BHMT: variants seen among roughly 807,000 people sequenced by gnomAD.
BHMT encodes the protein betaine--homocysteine S-methyltransferase.
In BHMT, 38 loss-of-function variants were observed where a neutral mutation model predicts 49.5. That is an observed-to-expected ratio of 0.77 (90% CI 0.59 to 1.01). BHMT has a LOEUF of 1.01. BHMT is among the 50% of genes least tolerant of loss of function. The pLI is 0.00. For synonymous variants in BHMT, 166 were observed against 176.3 expected (o/e 0.94, Z 0.46); for missense variants, 426 against 495.7 (o/e 0.86, Z 1.34).
rs1756383601 is a variant in BHMT, at chr5:79,116,111, G to A, written c.166+212G>A. 5 of 421,050 alleles carry A rather than the reference G, an allele frequency of 1.2e-5. No homozygotes were observed. In the East Asian group the frequency reaches 2.0e-4, roughly 17 times the overall value. The allele number at this position is 421,050 out of a possible 1,614,324, so 26.1% of individuals were successfully genotyped here. A position where few individuals can be genotyped will look rare whatever the true frequency, so the allele number is the denominator to read the frequency against. ...TGCACTCCTGTAGTCCCAGCTACTTGGGAGGCTGAGGCAGGAGGATCGCTT... is the reference window on the plus strand; with the variant it reads ...TGCACTCCTGTAGTCCCAGCTACTTAGGAGGCTGAGGCAGGAGGATCGCTT... On this transcript the variant is annotated intron_variant, in intron 2 of 7. Coordinates refer to ENST00000274353, the MANE Select transcript of BHMT (RefSeq NM_001713.3).
In BHMT at chr5:79,120,351, G is replaced by T; in HGVS notation, c.287G>T (p.Gly96Val). ...GTCTCATATACTCACCCATTTTAGG[G>T]GCAGGAAGTCAATGAAGCTGCTTGC... ...RGNYVLEKIS[G>V]QEVNEAACDI... Residue 96 changes from glycine (G) to valine (V), a missense_variant and splice_region_variant, in exon 4 of 8, where the codon GGG becomes GTG. Coordinates refer to ENST00000274353, the MANE Select transcript of BHMT (RefSeq NM_001713.3). 6.2e-7 allele frequency: 1 copy of T among 1,605,700 alleles called. No individual in the cohort carries two copies. The highest frequency in any genetic ancestry group is 8.5e-7 in the Non-Finnish European group (1 of 1,177,282).
In BHMT at chr5:79,127,628, T is replaced by C. The variant is rs1756572158; in HGVS notation, c.809-127T>C. On this transcript the variant is annotated intron_variant, in intron 6 of 7. Transcript: ENST00000274353. ...TACAACACAAAGTAGCAAAGTTTTT[T>C]CTTAAATGTAAAAATTGAATATTGA... is the stretch of plus-strand genomic sequence containing the variant. 5.3e-6 allele frequency: 7 copies of C among 1,310,254 alleles called. No homozygotes were observed. The South Asian group carries it at 7.9e-5, about 15-fold the overall frequency. 81.2% of individuals were successfully genotyped at this position (1,310,254 alleles called of 1,614,324 possible).
intron 7 of BHMT, among the ~76,000 whole-genome samples, chr5:79,129,924 T>C (rs2909853): frequency 0.67 from 101,388 of 151,986 alleles, 34,378 homozygotes; most frequent in South Asian, 0.82. Flanking sequence ...TTTGGGAAGC[T>C]GAGGCAGGCG....
At chr5:79,121,476 A>C in intron 5 of BHMT, 111 bp downstream of exon 5, 1 of 1,355,410 alleles carries the variant, frequency 7.4e-7, no homozygotes. Context: ...AAAACCATTA[A>C]TTTATTTTTG....
In BHMT at chr5:79,126,403, G is replaced by A. The variant is rs1229067050; in HGVS notation, c.808+175G>A. 6 of 654,974 alleles carry A rather than the reference G, an allele frequency of 9.2e-6. No homozygotes were observed. The East Asian group carries it at 1.8e-4, about 19-fold the overall frequency. The allele number at this position is 654,974 out of a possible 1,614,324, so 40.6% of individuals were successfully genotyped here. A position where few individuals can be genotyped will look rare whatever the true frequency, so the allele number is the denominator to read the frequency against. On this transcript the variant is annotated intron_variant, in intron 6 of 7. Transcript: ENST00000274353. The stretch of plus-strand genomic sequence containing the variant: ...AAAAGCCCCTTCGTATTAGAGAAGA[G>A]CAGAAGGAAAGGATGGTCCCAGCTA...
intron 7 of BHMT, chr5:79,128,200 G>T: frequency 1.5e-6 from 1 of 676,808 alleles, no homozygotes; most frequent in South Asian, 2.7e-5. Flanking sequence ...ATTTTGAAAA[G>T]AAAAAGAAAA....
rs926183918 is a variant in BHMT at position 79,132,240 on chromosome 5, T to G, written c.*1124T>G. Reference sequence around the variant, plus strand: ...ACATTATTGAATTGTTTGAGCTGTTTTGAAATTGTAATTCTTTTCAGCTAT... The same window carrying G: ...ACATTATTGAATTGTTTGAGCTGTTGTGAAATTGTAATTCTTTTCAGCTAT... On this transcript the variant is annotated 3_prime_UTR_variant, in exon 8 of 8. Transcript: ENST00000274353. The G allele has an allele frequency of 2.0e-5, 3 of 152,208 alleles. No individual in the cohort carries two copies. Among genetic ancestry groups the G allele is most frequent in the Non-Finnish European group, 2.9e-5 (2 of 68,028 alleles). The allele number at this position is 152,208 out of a possible 1,614,324, so 9.4% of individuals were successfully genotyped here.
Position 79,126,219 on chromosome 5 carries a change from T to C in BHMT, c.799T>C (p.Phe267Leu), listed in dbSNP as rs1172352959. Residue 267 changes from phenylalanine to leucine, a missense_variant, in exon 6 of 8, where the codon TTC becomes CTC. Coordinates refer to ENST00000274353, the MANE Select transcript of BHMT (RefSeq NM_001713.3). ...GCAGGGATTCATCGATCTCCCAGAA[T>C]TCCCATTTGGTAAGACCAACATTTG... Reference protein sequence around the residue: ...NKQGFIDLPEFPFGLEPRVAT... With the variant: ...NKQGFIDLPELPFGLEPRVAT... 6.2e-7 allele frequency: 1 copy of C among 1,613,632 alleles called. No individual in the cohort carries two copies. Among genetic ancestry groups the C allele is most frequent in the Non-Finnish European group, 8.5e-7 (1 of 1,179,752 alleles).
At chr5:79,119,776 C>T (rs1756439822) in intron 3 of BHMT, among the ~76,000 whole-genome samples, 1 of 152,148 alleles carries the variant, frequency 6.6e-6, no homozygotes, top group African/African-American at 2.4e-5. Context: ...TGATGTTGAA[C>T]CAACCCCTTT....
rs971704912 is a variant in BHMT at position 79,120,457 on chromosome 5, C to A, written c.393C>A (p.Cys131Ter). 3.1e-6 allele frequency: 5 copies of A among 1,613,892 alleles called. No individual in the cohort carries two copies. The African/African-American group carries it at 6.7e-5, about 22-fold the overall frequency. Reference protein sequence around the residue: ...GVSQTPSYLSCKSETEVKKVF... With the variant: ...GVSQTPSYLS ...GTCAGACACCTTCATACCTTAGCTG[C>A]AAGAGTGAAACTGAAGTCAAAAAAG... The change falls in exon 4 of 8, where the codon TGC (cysteine) becomes TGA (stop). Residue 131 changes from cysteine to a stop codon, truncating the protein, a stop_gained. Coordinates refer to ENST00000274353, the MANE Select transcript of BHMT (RefSeq NM_001713.3). LOFTEE classifies it high-confidence loss of function.
chr5:79,119,126 A>G, intron 2 of BHMT, 133 bp from the exon 3 acceptor site: 1 of 678,664 alleles, frequency 1.5e-6, no homozygotes, highest in South Asian at 2.0e-5. Flanking sequence ...CCTCTCATCT[A>G]CCCCTAAGAT....
At chr5:79,130,573 G>A (rs1285488939) in intron 7 of BHMT, among the ~76,000 whole-genome samples, 1 of 151,576 alleles carries the variant, frequency 6.6e-6, no homozygotes, top group Non-Finnish European at 1.5e-5. Context: ...CAGCTGACAC[G>A]GGTATTCTAG....
chr5:79,131,691 T>C lies in BHMT; in HGVS notation c.*575T>C, dbSNP rs1260773745. 1 of 152,254 alleles carries C rather than the reference T, an allele frequency of 6.6e-6. No individual in the cohort carries two copies. The highest frequency in any genetic ancestry group is 2.4e-5 in the African/African-American group (1 of 41,468). 9.4% of individuals were successfully genotyped at this position (152,254 alleles called of 1,614,324 possible). Reference sequence around the variant, plus strand: ...AACATGCTAGTTGAGACTTTTCAAATGGATTTTTATGACCCACTACTGGGT... The same window carrying C: ...AACATGCTAGTTGAGACTTTTCAAACGGATTTTTATGACCCACTACTGGGT... On this transcript the variant is annotated 3_prime_UTR_variant, in exon 8 of 8. Transcript: ENST00000274353.
chr5:79,120,353 C>A lies in BHMT; in HGVS notation c.289C>A (p.Gln97Lys). The change falls in exon 4 of 8, where the codon CAG becomes AAG. Residue 97 changes from glutamine to lysine, a missense_variant. Physicochemically the swap from Gln to Lys is moderately conservative, Grantham distance 53. Coordinates refer to ENST00000274353, the MANE Select transcript of BHMT (RefSeq NM_001713.3). Reference sequence around the variant, plus strand: ...CTCATATACTCACCCATTTTAGGGGCAGGAAGTCAATGAAGCTGCTTGCGA... The same window carrying A: ...CTCATATACTCACCCATTTTAGGGGAAGGAAGTCAATGAAGCTGCTTGCGA... ...GNYVLEKISG[Q>K]EVNEAACDIA... 1 of 1,607,124 alleles carries A rather than the reference C, an allele frequency of 6.2e-7. No individual in the cohort carries two copies. Among genetic ancestry groups the A allele is most frequent in the Non-Finnish European group, 8.5e-7 (1 of 1,177,832 alleles).
chr5:79,113,564 T>C (rs982629929), intron 1 of BHMT, among the ~76,000 whole-genome samples: 1 of 152,244 alleles, frequency 6.6e-6, no homozygotes, highest in Non-Finnish European at 1.5e-5. Flanking sequence ...ACATGTTCAT[T>C]ATAAACAATG....
intron 6 of BHMT, 125 bp downstream of exon 6, chr5:79,126,353 G>T (rs1756554094): frequency 3.5e-6 from 4 of 1,157,574 alleles, no homozygotes; most frequent in Admixed American, 2.6e-5. Context: ...CTCATGTCTT[G>T]TCCCTGGTTT....
intron 5 of BHMT, among the ~76,000 whole-genome samples, chr5:79,122,199 C>G (rs1162288417): frequency 2.6e-5 from 4 of 152,184 alleles, no homozygotes; most frequent in East Asian, 3.9e-4. Context: ...CCTCGGCCTC[C>G]CAAAGTGCTG....
chr5:79,118,144 G>T (rs548588975), intron 2 of BHMT, among the ~76,000 whole-genome samples: 21 of 152,052 alleles, frequency 1.4e-4, no homozygotes, highest in Non-Finnish European at 2.4e-4. Context: ...TAGCTATATG[G>T]GGAAAAAATC....
chr5:79,121,692 G>A (rs1447829059), intron 5 of BHMT, among the ~76,000 whole-genome samples: 2 of 151,298 alleles, frequency 1.3e-5, no homozygotes, highest in East Asian at 2.0e-4. Flanking sequence ...GCGGGCGCCT[G>A]TAGTCCCAGC....
Sources: allele counts gnomAD v4.1 joint callset (sites outside exome capture counted in the v4.1 genomes callset), GRCh38; gene constraint gnomAD v4.1.1; transcripts MANE v1.5; gene names NCBI Gene and HGNC (gene_info 2026-07-23, HGNC 2026-07-21).